Variants in VWC2 observed in about 807,000 individuals in gnomAD.
The protein encoded by VWC2 is brorin.
Under a neutral mutation model 29.8 loss-of-function variants are expected in VWC2, and 14 were observed. The observed-to-expected ratio is 0.47, with a 90% confidence interval of 0.31 to 0.74. The LOEUF (loss-of-function observed/expected upper bound fraction) is 0.74, where lower values mean the gene tolerates loss of function less well. Ranked by LOEUF, VWC2 falls within the 30% of genes least tolerant of loss-of-function variation. The pLI is 0.05. For synonymous variants in VWC2, 213 were observed against 199.0 expected (o/e 1.07, Z -0.59); for missense variants, 457 against 459.8 (o/e 0.99, Z 0.05).
chr7:49,807,615 A>T (rs976971817), intron 3 of VWC2, among the ~76,000 whole-genome samples: 1 of 152,208 alleles, frequency 6.6e-6, no homozygotes, highest in Non-Finnish European at 1.5e-5. Context: ...CTCACATTTG[A>T]CAAAAAATCA....
intron 3 of VWC2, among the ~76,000 whole-genome samples, chr7:49,813,661 C>T (rs996649991): frequency 3.9e-5 from 6 of 152,100 alleles, no homozygotes; most frequent in Admixed American, 1.3e-4. Context: ...GTGTATTCTA[C>T]GGATTTTAGG....
intron 3 of VWC2, among the ~76,000 whole-genome samples, chr7:49,862,323 A>C (rs1790684460): frequency 6.6e-6 from 1 of 152,160 alleles, no homozygotes; most frequent in African/African-American, 2.4e-5. Context: ...TCAATCTTGT[A>C]ACCAGCAAGT....
At chr7:49,871,720 T>C (rs1791153408) in intron 3 of VWC2, among the ~76,000 whole-genome samples, 1 of 151,940 alleles carries the variant, frequency 6.6e-6, no homozygotes, top group Non-Finnish European at 1.5e-5. Flanking sequence ...TTAGATCAGG[T>C]AAGGAAAAAA....
intron 3 of VWC2, among the ~76,000 whole-genome samples, chr7:49,824,151 T>C (rs1562719429): frequency 6.6e-6 from 1 of 152,218 alleles, no homozygotes; most frequent in African/African-American, 2.4e-5. Context: ...GCTTACTTTT[T>C]GGTCCTGTCT....
At chr7:49,906,464 T>C (rs1793096933) in intron 3 of VWC2, among the ~76,000 whole-genome samples, 1 of 152,092 alleles carries the variant, frequency 6.6e-6, no homozygotes, top group Admixed American at 6.5e-5. Context: ...GCCTCCCAAG[T>C]AGCTGGGACT....
In VWC2 at chr7:49,774,004, G is replaced by T. The variant is rs890865667; in HGVS notation, c.-213G>T. ...CTGGGCTGTTAGTGGTCCGCCCCACGCGGGTCGCCGGCCGGCCCAGGATGG... is the reference window on the plus strand; with the variant it reads ...CTGGGCTGTTAGTGGTCCGCCCCACTCGGGTCGCCGGCCGGCCCAGGATGG... On this transcript the variant is annotated 5_prime_UTR_variant, in exon 1 of 4. Coordinates refer to ENST00000340652, the MANE Select transcript of VWC2 (RefSeq NM_198570.5). 6.6e-6 allele frequency: 1 copy of T among 151,810 alleles called. No homozygotes were observed. The highest frequency in any genetic ancestry group is 1.5e-5 in the Non-Finnish European group (1 of 67,956). 9.4% of individuals were successfully genotyped at this position (151,810 alleles called of 1,614,324 possible). A position where few individuals can be genotyped will look rare whatever the true frequency, so the allele number is the denominator to read the frequency against.
At chr7:49,825,659 C>A (rs908877724) in intron 3 of VWC2, among the ~76,000 whole-genome samples, 1 of 152,192 alleles carries the variant, frequency 6.6e-6, no homozygotes, top group Non-Finnish European at 1.5e-5. Context: ...TCCATGTGCT[C>A]CTCCTCACTT....
rs1286552295 is a variant in VWC2, at chr7:49,913,988, T to A, written c.*1803T>A. Reference sequence around the variant, plus strand: ...TACCAGTACATAGATTTCATGAAAATACTCAGGGGAATTATTAGCTAATTG... The same window carrying A: ...TACCAGTACATAGATTTCATGAAAAAACTCAGGGGAATTATTAGCTAATTG... On this transcript the variant is annotated 3_prime_UTR_variant, in exon 4 of 4. Transcript: ENST00000340652. 1 of 152,176 alleles carries A rather than the reference T, an allele frequency of 6.6e-6. No individual in the cohort carries two copies. 9.4% of individuals were successfully genotyped at this position (152,176 alleles called of 1,614,324 possible). A position where few individuals can be genotyped will look rare whatever the true frequency, so the allele number is the denominator to read the frequency against.
At chr7:49,806,911 A>T (rs1365947051) in intron 3 of VWC2, among the ~76,000 whole-genome samples, 1 of 152,222 alleles carries the variant, frequency 6.6e-6, no homozygotes, top group Non-Finnish European at 1.5e-5. Flanking sequence ...CCCATAAAAA[A>T]TAAAGGAATT....
chr7:49,897,713 T>C (rs1255671267), intron 3 of VWC2, among the ~76,000 whole-genome samples: 1 of 152,148 alleles, frequency 6.6e-6, no homozygotes, highest in Non-Finnish European at 1.5e-5. Flanking sequence ...GGAACCAGTA[T>C]TGGGTTAGGA....
In VWC2 at chr7:49,829,610, C is replaced by T. The variant is rs532095537; in HGVS notation, c.826+26770C>T. On this transcript the variant is annotated intron_variant, in intron 3 of 3. Coordinates refer to ENST00000340652, the MANE Select transcript of VWC2 (RefSeq NM_198570.5). ...TGCTCTTCTGGAGTCCAACGCATCA[C>T]GCCAGCCTACACACACCCTTTGAAG... Among the ~76,000 whole-genome samples, 94 of 152,348 alleles carry T rather than the reference C, an allele frequency of 6.2e-4. 2 individuals carry two copies. In the South Asian group the frequency reaches 0.016, roughly 25 times the overall value.
intron 3 of VWC2, among the ~76,000 whole-genome samples, chr7:49,824,116 TCA>T (rs1789334881): frequency 6.6e-6 from 1 of 152,138 alleles, no homozygotes; most frequent in Non-Finnish European, 1.5e-5. Flanking sequence ...TTGATAAAGT[TCA>T]GTTTCTCAAT....
intron 3 of VWC2, among the ~76,000 whole-genome samples, chr7:49,893,690 A>G (rs871280): frequency 0.014 from 2,086 of 151,558 alleles, 60 homozygotes; most frequent in African/African-American, 0.048. Flanking sequence ...AAAATATGTC[A>G]GGTATATAAA....
chr7:49,795,296 T>G (rs1393207942), intron 2 of VWC2, among the ~76,000 whole-genome samples: 1 of 152,226 alleles, frequency 6.6e-6, no homozygotes, highest in Non-Finnish European at 1.5e-5. Context: ...CATTACACAT[T>G]TTTAGCTGTT....
chr7:49,779,410 A>G (rs1457619947), intron 2 of VWC2, among the ~76,000 whole-genome samples: 1 of 152,306 alleles, frequency 6.6e-6, no homozygotes, highest in East Asian at 1.9e-4. Context: ...TAATAATGAG[A>G]GTAATGTGTT....
At chr7:49,825,196 A>T (rs1789365819) in intron 3 of VWC2, among the ~76,000 whole-genome samples, 1 of 152,190 alleles carries the variant, frequency 6.6e-6, no homozygotes, top group South Asian at 2.1e-4. Flanking sequence ...GAAATTCCAT[A>T]AAATCATTTT....
chr7:49,841,477 TTCACTTAAACAG>T (rs568539301), intron 3 of VWC2, among the ~76,000 whole-genome samples: 2 of 152,210 alleles, frequency 1.3e-5, no homozygotes, highest in Non-Finnish European at 2.9e-5. Context: ...ATATAAAATT[TTCACTTAAACAG>T]TACTGAGCAA....
chr7:49,891,585 A>G (rs1792130159), intron 3 of VWC2, among the ~76,000 whole-genome samples: 1 of 152,202 alleles, frequency 6.6e-6, no homozygotes, highest in African/African-American at 2.4e-5. Context: ...ACTATTGCAC[A>G]TCCGCCAGGG....
intron 2 of VWC2, among the ~76,000 whole-genome samples, chr7:49,791,926 G>A (rs1788469224): frequency 6.6e-6 from 1 of 152,208 alleles, no homozygotes; most frequent in South Asian, 2.1e-4. Context: ...CAGCAATTAT[G>A]TAGTTACTTG....
Sources: gnomAD v4.1 joint callset for allele counts (sites outside exome capture counted in the v4.1 genomes callset) on GRCh38, gnomAD v4.1.1 for gene constraint, MANE v1.5 for transcripts, NCBI Gene and HGNC (gene_info 2026-07-23, HGNC 2026-07-21) for gene names.